NXN: variants seen among roughly 807,000 people sequenced by gnomAD.
The protein encoded by NXN is nucleoredoxin.
Under a neutral mutation model 48.6 loss-of-function variants are expected in NXN, and 16 were observed. The ratio of observed to expected loss-of-function variants is 0.33; its 90% CI spans 0.22 to 0.50. The LOEUF (loss-of-function observed/expected upper bound fraction) is 0.50, where lower values mean the gene tolerates loss of function less well. Ranked by LOEUF, NXN falls within the 20% of genes least tolerant of loss-of-function variation. The pLI is 0.98. For missense variants in NXN, 492 were observed against 605.5 expected (o/e 0.81, Z 1.97); for synonymous variants, 281 against 269.6 (o/e 1.04, Z -0.41).
chr17:920,293 C>T lies in NXN; in HGVS notation c.360+59026G>A, dbSNP rs1015097336. Among the ~76,000 whole-genome samples, 1 of 152,170 alleles carries T rather than the reference C, an allele frequency of 6.6e-6. No homozygotes were observed. Among genetic ancestry groups the T allele is most frequent in the African/African-American group, 2.4e-5 (1 of 41,438 alleles). ...CCCGCTTTGACCTGGAGGAATCTGG[C>T]AACGTCAACATCAAGTGATTGTTCA... On this transcript the variant is annotated intron_variant, in intron 1 of 7. Transcript: ENST00000336868. This position sits in a 1 kb window ranked among gnomAD's most constrained non-coding sequence, Gnocchi z 4.6.
chr17:810,206 G>GCGTGCACGTTACGAGTCCGTGTGAGTGA (rs1911888540), intron 5 of NXN, among the ~76,000 whole-genome samples: 5 of 128,734 alleles, frequency 3.9e-5, no homozygotes, highest in Admixed American at 7.8e-5. Flanking sequence ...TCTGTGAGTG[G>GCGTGCACGTTACGAGTCCGTGTGAGTGA]CGTGCACGTT....
Position 800,707 on chromosome 17 carries a change from C to T in NXN, c.*242G>A, listed in dbSNP as rs189879034. Reference sequence around the variant, plus strand: ...GAAAGCCATGCAGCCCCGCTCTGGCCGGGCCCCCGGCCATCCCGTGCTCCC... The same window carrying T: ...GAAAGCCATGCAGCCCCGCTCTGGCTGGGCCCCCGGCCATCCCGTGCTCCC... On this transcript the variant is annotated 3_prime_UTR_variant, in exon 8 of 8. Coordinates refer to ENST00000336868, the MANE Select transcript of NXN (RefSeq NM_022463.5). 7 of 353,020 alleles carry T rather than the reference C, an allele frequency of 2.0e-5. No individual in the cohort carries two copies. The South Asian group carries it at 4.0e-4, about 20-fold the overall frequency. The allele number at this position is 353,020 out of a possible 1,614,324, so 21.9% of individuals were successfully genotyped here. A position where few individuals can be genotyped will look rare whatever the true frequency, so the allele number is the denominator to read the frequency against.
At chr17:912,976 G>T (rs1478714231) in intron 1 of NXN, among the ~76,000 whole-genome samples, 1 of 151,630 alleles carries the variant, frequency 6.6e-6, no homozygotes, top group Non-Finnish European at 1.5e-5. Context: ...AGGAAAGGAC[G>T]GAAAAAAGAA....
intron 6 of NXN, among the ~76,000 whole-genome samples, chr17:804,173 A>C (rs1465464454): frequency 6.6e-6 from 1 of 152,106 alleles, no homozygotes; most frequent in Non-Finnish European, 1.5e-5. Flanking sequence ...TCTCAGCCAC[A>C]GAATGAGAAG....
intron 1 of NXN, among the ~76,000 whole-genome samples, chr17:906,776 C>G (rs1178383090): frequency 6.6e-6 from 1 of 151,714 alleles, no homozygotes; most frequent in Non-Finnish European, 1.5e-5. Flanking sequence ...ATTATGTTGG[C>G]CAGTCTGGTC....
intron 1 of NXN, among the ~76,000 whole-genome samples, chr17:897,898 C>T (rs1442173670): frequency 2.6e-5 from 4 of 152,198 alleles, no homozygotes; most frequent in African/African-American, 9.7e-5. Context: ...CCAGGCTGGT[C>T]TCGAACTCCT....
At chr17:861,442 C>T (rs1186373250) in intron 1 of NXN, among the ~76,000 whole-genome samples, 2 of 152,168 alleles carry the variant, frequency 1.3e-5, no homozygotes, top group South Asian at 2.1e-4. Flanking sequence ...CCATTCTTTG[C>T]TCTTTCTATT....
chr17:905,484 G>T (rs564848681), intron 1 of NXN, among the ~76,000 whole-genome samples: 36 of 152,210 alleles, frequency 2.4e-4, no homozygotes, highest in South Asian at 2.3e-3. Flanking sequence ...AACAGAAAGG[G>T]AAGTTTAAAG....
chr17:941,300 A>C (rs1303110869), intron 1 of NXN, among the ~76,000 whole-genome samples: 2 of 146,796 alleles, frequency 1.4e-5, no homozygotes, highest in South Asian at 2.2e-4. Context: ...TCCTGGATTT[A>C]CAGCGAACAA....
At chr17:868,880 T>C (rs1301844373) in intron 1 of NXN, among the ~76,000 whole-genome samples, 1 of 152,138 alleles carries the variant, frequency 6.6e-6, no homozygotes, top group Non-Finnish European at 1.5e-5. Flanking sequence ...GTAGGATAAG[T>C]AAATGAGCAG....
At chr17:929,228 C>A (rs1409993787) in intron 1 of NXN, among the ~76,000 whole-genome samples, 1 of 152,236 alleles carries the variant, frequency 6.6e-6, no homozygotes, top group Non-Finnish European at 1.5e-5. Flanking sequence ...CTGGCTGCGG[C>A]CCTCCACTCT....
chr17:885,220 T>C (rs1029013375), intron 1 of NXN, among the ~76,000 whole-genome samples: 6 of 152,088 alleles, frequency 3.9e-5, no homozygotes, highest in African/African-American at 1.4e-4. Flanking sequence ...TCCCAGCATT[T>C]TGGGAGGCCG....
intron 1 of NXN, chr17:933,476 C>G (rs12951939): frequency 0.12 from 18,121 of 151,870 alleles, 1,329 homozygotes; most frequent in Middle Eastern, 0.24. Flanking sequence ...GACATGCTCA[C>G]TTCCCAAATC....
At chr17:809,374 G>C (rs1911777333) in intron 5 of NXN, among the ~76,000 whole-genome samples, 1 of 152,224 alleles carries the variant, frequency 6.6e-6, no homozygotes, top group Admixed American at 6.5e-5. Flanking sequence ...GAGGAGCCTA[G>C]TTGCAAGTAT....
intron 1 of NXN, among the ~76,000 whole-genome samples, chr17:942,273 T>C (rs376132490): frequency 3.6e-3 from 364 of 100,370 alleles, no homozygotes; most frequent in African/African-American, 0.013. Flanking sequence ...GGATTTACAG[T>C]GAACAAGATT....
intron 1 of NXN, among the ~76,000 whole-genome samples, chr17:881,506 C>T (rs1477379338): frequency 3.9e-5 from 6 of 152,160 alleles, no homozygotes; most frequent in African/African-American, 9.7e-5. Flanking sequence ...GGATTACAGG[C>T]GTGAGCCGCC....
chr17:883,039 C>T (rs764389268), intron 1 of NXN, among the ~76,000 whole-genome samples: 1 of 152,210 alleles, frequency 6.6e-6, no homozygotes, highest in Non-Finnish European at 1.5e-5. Flanking sequence ...CAGGCGTGAG[C>T]CCCCGTCTCC....
chr17:921,324 G>A (rs1352064315), intron 1 of NXN, among the ~76,000 whole-genome samples: 3 of 151,950 alleles, frequency 2.0e-5, no homozygotes, highest in Admixed American at 6.6e-5. Context: ...CTCCTACCCC[G>A]GCTCCCTCTC....
chr17:859,055 G>A (rs941844798), intron 1 of NXN, among the ~76,000 whole-genome samples: 3 of 152,170 alleles, frequency 2.0e-5, no homozygotes, highest in Admixed American at 6.6e-5. Context: ...GATCTGGTTC[G>A]AAGGCCATGG....
Sources: gnomAD v4.1 joint callset for allele counts (sites outside exome capture counted in the v4.1 genomes callset) on GRCh38, gnomAD v4.1.1 for gene constraint, Gnocchi (gnomAD v3.1) non-coding constraint, MANE v1.5 for transcripts, NCBI Gene and HGNC (gene_info 2026-07-23, HGNC 2026-07-21) for gene names.